TMEM161B: variants seen among roughly 807,000 people sequenced by gnomAD.
TMEM161B encodes the protein transmembrane protein 161B.
A neutral mutation model predicts 61.8 loss-of-function variants in TMEM161B; 34 were observed. The ratio of observed to expected loss-of-function variants is 0.55; its 90% CI spans 0.42 to 0.73. The LOEUF (loss-of-function observed/expected upper bound fraction) is 0.73. Ranked by LOEUF, TMEM161B falls within the 30% of genes least tolerant of loss-of-function variation. TMEM161B has a pLI of 0.00. For missense variants in TMEM161B, 456 were observed against 558.5 expected (o/e 0.82, Z 1.85); for synonymous variants, 167 against 192.8 (o/e 0.87, Z 1.11).
intron 5 of TMEM161B, 45 bp from the exon 6 acceptor site, chr5:88,207,225 A>T (rs1222670134): frequency 1.3e-6 from 2 of 1,550,202 alleles, no homozygotes; most frequent in Admixed American, 3.9e-5. Context: ...AATTTATAGG[A>T]GCTATACACA....
intron 1 of TMEM161B, 90 bp from the exon 2 acceptor site, chr5:88,241,006 A>G (rs1580633019): frequency 2.3e-6 from 2 of 859,748 alleles, no homozygotes; most frequent in East Asian, 5.8e-5. Flanking sequence ...TGAAAATTAC[A>G]TTTTAAGAAA....
chr5:88,205,821 T>C lies in TMEM161B; in HGVS notation c.793A>G (p.Ile265Val), dbSNP rs750107487. 2 of 1,612,182 alleles carry C rather than the reference T, an allele frequency of 1.2e-6. No individual in the cohort carries two copies. Among genetic ancestry groups the C allele is most frequent in the East Asian group, 2.2e-5 (1 of 44,746 alleles). ...LDALNLATEK[I>V]TQTLLHINFL... ...TGTACATTTTCCGCTTACTGTGTAA[T>C]TTTTTCTGTTGCCAAATTCAGGGCA... Residue 265 changes from isoleucine (I) to valine (V), a missense_variant, in exon 8 of 12, where the codon ATT becomes GTT. Physicochemically the swap from Ile to Val is conservative, Grantham distance 29. Coordinates refer to ENST00000296595, the MANE Select transcript of TMEM161B (RefSeq NM_153354.5).
chr5:88,256,097 T>C (rs1754949553), intron 1 of TMEM161B, among the ~76,000 whole-genome samples: 2 of 152,196 alleles, frequency 1.3e-5, no homozygotes, highest in Non-Finnish European at 2.9e-5. Flanking sequence ...TACTTTTTCA[T>C]AACAATAGAA....
intron 1 of TMEM161B, among the ~76,000 whole-genome samples, chr5:88,258,553 A>G (rs1755289500): frequency 6.6e-6 from 1 of 152,192 alleles, no homozygotes; most frequent in Middle Eastern, 3.2e-3. Flanking sequence ...AAATGGTTCT[A>G]GTTATGGAAC....
At chr5:88,267,996 T>C (rs1756632728) in intron 1 of TMEM161B, among the ~76,000 whole-genome samples, 1 of 152,166 alleles carries the variant, frequency 6.6e-6, no homozygotes, top group Non-Finnish European at 1.5e-5. Flanking sequence ...ATTATCTGGT[T>C]ACTGCCGGAT....
chr5:88,212,707 T>C (rs532016657), intron 5 of TMEM161B, among the ~76,000 whole-genome samples: 1 of 152,250 alleles, frequency 6.6e-6, no homozygotes, highest in South Asian at 2.1e-4. Context: ...CACGTGCCTA[T>C]AGTCCCAGCT....
chr5:88,248,860 A>T (rs530375238), intron 1 of TMEM161B, among the ~76,000 whole-genome samples: 2 of 152,176 alleles, frequency 1.3e-5, no homozygotes, highest in Admixed American at 1.3e-4. Flanking sequence ...TTTTAAGGAA[A>T]TCCTTTTAAA....
intron 2 of TMEM161B, among the ~76,000 whole-genome samples, chr5:88,232,477 A>G (rs1179992032): frequency 6.6e-6 from 1 of 152,260 alleles, no homozygotes; most frequent in Non-Finnish European, 1.5e-5. Flanking sequence ...TTAGTTGTTC[A>G]GCTTTGAGAA....
At chr5:88,189,284 AT>A (rs1393031183), downstream of TMEM161B, among the ~76,000 whole-genome samples, 16 of 152,038 alleles carry the variant, frequency 1.1e-4, no homozygotes, top group Admixed American at 2.6e-4. Flanking sequence ...CAAGTCCAAA[AT>A]TTAAAAAAAT....
In TMEM161B at chr5:88,213,803, G is replaced by A. The variant is rs75733198; in HGVS notation, c.447-6623C>T. Among the ~76,000 whole-genome samples the A allele has an allele frequency of 2.4e-4, 36 of 152,134 alleles. No individual in the cohort carries two copies. In the East Asian group the frequency reaches 5.8e-3, roughly 24 times the overall value. ...CTCCATGTTCATACAACAAACAAGC[G>A]TTGACATAACATGACATATACAACT... On this transcript the variant is annotated intron_variant, in intron 5 of 11. Coordinates refer to ENST00000296595, the MANE Select transcript of TMEM161B (RefSeq NM_153354.5).
chr5:88,205,626 AAATAC>A, intron 8 of TMEM161B, 183 bp downstream of exon 8: 1 of 557,776 alleles, frequency 1.8e-6, no homozygotes, highest in South Asian at 3.0e-5. Context: ...GTATCTTTTT[AAATAC>A]AAGACTTAAA....
intron 5 of TMEM161B, among the ~76,000 whole-genome samples, chr5:88,211,974 T>TA (rs1436028698): frequency 6.6e-6 from 1 of 151,868 alleles, no homozygotes; most frequent in African/African-American, 2.4e-5. Context: ...CACAAGGAAG[T>TA]AAAAAAGATC....
In TMEM161B at chr5:88,268,800, G is replaced by A. The variant is rs373539199; in HGVS notation, c.-77C>T. On this transcript the variant is annotated 5_prime_UTR_variant, in exon 1 of 12. Transcript: ENST00000296595. ...CCAAACCTCTTACCTCCCGGTCCTT[G>A]AGCCGAGAGACTCTCAAACAGCGAA... 200 of 1,609,378 alleles carry A rather than the reference G, an allele frequency of 1.2e-4. 4 individuals carry two copies. The South Asian group carries it at 1.9e-3, about 15-fold the overall frequency.
intron 1 of TMEM161B, among the ~76,000 whole-genome samples, chr5:88,260,544 T>C (rs1755551191): frequency 1.3e-5 from 2 of 152,168 alleles, no homozygotes; most frequent in Non-Finnish European, 1.5e-5. Context: ...CTCAAACTCC[T>C]GGGCTCAAGT....
chr5:88,232,984 G>A (rs1167441624), intron 2 of TMEM161B, among the ~76,000 whole-genome samples: 1 of 152,126 alleles, frequency 6.6e-6, no homozygotes, highest in African/African-American at 2.4e-5. Context: ...ATAACTCAGG[G>A]TTATCTTTAT....
chr5:88,246,258 T>C (rs755584503), intron 1 of TMEM161B, among the ~76,000 whole-genome samples: 1 of 151,638 alleles, frequency 6.6e-6, no homozygotes, highest in Non-Finnish European at 1.5e-5. Context: ...GTATCTGCTC[T>C]TAGGTGACTA....
intron 1 of TMEM161B, among the ~76,000 whole-genome samples, chr5:88,266,678 C>G (rs1046211541): frequency 6.6e-6 from 1 of 152,148 alleles, no homozygotes; most frequent in Non-Finnish European, 1.5e-5. Flanking sequence ...CCCAGCAATG[C>G]AAAACAAGTT....
At chr5:88,200,159 G>C (rs1314716619) in intron 9 of TMEM161B, 1 of 151,602 alleles carries the variant, frequency 6.6e-6, no homozygotes, top group African/African-American at 2.4e-5. Context: ...AATTTTGCTC[G>C]AACTGTTTAT....
rs1162784492 is a variant in TMEM161B, at chr5:88,202,945, C to G, written c.914+17G>C. 2.0e-6 allele frequency: 3 copies of G among 1,534,496 alleles called. No individual in the cohort carries two copies. The highest frequency in any genetic ancestry group is 2.7e-6 in the Non-Finnish European group (3 of 1,107,878). On this transcript the variant is annotated intron_variant, in intron 9 of 11. Transcript: ENST00000296595. ...AGTTTTGGTGATAAAAATCAGCCCT[C>G]AAATGCCCATACTTACAAAGGGATA... is the stretch of plus-strand genomic sequence containing the variant.
Sources: gnomAD v4.1 joint callset for allele counts (sites outside exome capture counted in the v4.1 genomes callset) on GRCh38, gnomAD v4.1.1 for gene constraint, MANE v1.5 for transcripts, NCBI Gene and HGNC (gene_info 2026-07-23, HGNC 2026-07-21) for gene names.